RIMS2: variants seen among roughly 807,000 people sequenced by gnomAD.
RIMS2 encodes the protein regulating synaptic membrane exocytosis 2, also known as regulating synaptic membrane exocytosis protein 2.
In RIMS2, 59 loss-of-function variants were observed where a neutral mutation model predicts 174.4. The observed-to-expected ratio is 0.34, with a 90% CI of 0.27 to 0.42. The LOEUF is 0.42. Ranked by LOEUF, RIMS2 falls within the 10% of genes least tolerant of loss-of-function variation. The probability of loss-of-function intolerance (pLI) is 1.00; values close to 1 mark genes in which losing one functional copy is unlikely to be tolerated. For missense variants in RIMS2, 1,620 were observed against 1,666.3 expected (o/e 0.97, Z 0.48); for synonymous variants, 606 against 572.5 (o/e 1.06, Z -0.84).
intron 1 of RIMS2, among the ~76,000 whole-genome samples, chr8:103,590,397 G>T (rs1895899): frequency 0.065 from 9,865 of 151,292 alleles, 396 homozygotes; most frequent in South Asian, 0.088. Flanking sequence ...GGTGTCTGCA[G>T]ATCTTTGAGA....
chr8:104,229,368 T>C (rs1459336821), intron 19 of RIMS2, among the ~76,000 whole-genome samples: 1 of 152,194 alleles, frequency 6.6e-6, no homozygotes, highest in Admixed American at 6.5e-5. Context: ...ATGCTGTGTA[T>C]ATATAATATT....
intron 19 of RIMS2, among the ~76,000 whole-genome samples, chr8:104,031,057 A>G (rs2154556261): frequency 6.6e-6 from 1 of 152,294 alleles, no homozygotes; most frequent in South Asian, 2.1e-4. Flanking sequence ...ATAATCTTAG[A>G]TGAGCCAAGT....
At chr8:103,841,327 CAGA>C (rs2098938494) in intron 3 of RIMS2, among the ~76,000 whole-genome samples, 1 of 152,100 alleles carries the variant, frequency 6.6e-6, no homozygotes, top group Admixed American at 6.6e-5. Flanking sequence ...CTTACTAGCT[CAGA>C]AGAATGTTTC....
At chr8:104,176,728 T>C (rs2098900142) in intron 19 of RIMS2, among the ~76,000 whole-genome samples, 1 of 151,642 alleles carries the variant, frequency 6.6e-6, no homozygotes, top group Non-Finnish European at 1.5e-5. Flanking sequence ...TATCATTATA[T>C]ATGATAGTGA....
intron 19 of RIMS2, among the ~76,000 whole-genome samples, chr8:104,076,067 A>G (rs1034824660): frequency 2.0e-5 from 3 of 152,192 alleles, no homozygotes; most frequent in Non-Finnish European, 4.4e-5. Context: ...ATTTATGAAG[A>G]TACATAAACT....
At chr8:104,043,889 G>A (rs1039792852) in intron 19 of RIMS2, among the ~76,000 whole-genome samples, 1 of 151,464 alleles carries the variant, frequency 6.6e-6, no homozygotes, top group African/African-American at 2.4e-5. Flanking sequence ...GAAGGAAATT[G>A]CCTAGAATAT....
At chr8:103,868,363 T>C (rs1468933753) in intron 3 of RIMS2, among the ~76,000 whole-genome samples, 1 of 152,100 alleles carries the variant, frequency 6.6e-6, no homozygotes, top group African/African-American at 2.4e-5. Flanking sequence ...TTGTTCCTGC[T>C]TCTGTTTTAT....
intron 19 of RIMS2, among the ~76,000 whole-genome samples, chr8:104,211,856 A>G (rs781773370): frequency 1.3e-5 from 2 of 152,174 alleles, no homozygotes; most frequent in Non-Finnish European, 2.9e-5. Context: ...TATGAGGAAT[A>G]TCTTGGGGGC....
rs368240569 is a variant in RIMS2, at chr8:104,008,807, T to C, written c.3045-4635T>C. ...TGACTCTAAATATTGTTGTCATCTT[T>C]GAATAAGCTTATTTACTTTTAACTA... On this transcript the variant is annotated intron_variant, in intron 17 of 23. Transcript: ENST00000504942. Among the ~76,000 whole-genome samples the C allele has an allele frequency of 3.3e-5, 5 of 152,068 alleles. No homozygotes were observed. The East Asian group carries it at 5.8e-4, about 18-fold the overall frequency.
intron 1 of RIMS2, among the ~76,000 whole-genome samples, chr8:103,692,074 G>C (rs145875682): frequency 1.3e-5 from 2 of 152,220 alleles, no homozygotes; most frequent in East Asian, 3.9e-4. Flanking sequence ...CTTTCTGTCT[G>C]TGTGGGACTG....
chr8:103,941,553 T>G (rs1312401938), intron 13 of RIMS2, among the ~76,000 whole-genome samples: 1 of 152,094 alleles, frequency 6.6e-6, no homozygotes, highest in African/African-American at 2.4e-5. Flanking sequence ...CTTAGATAAA[T>G]AGTAATTTAT....
chr8:104,133,468 G>T (rs900715078), intron 19 of RIMS2, among the ~76,000 whole-genome samples: 1 of 152,122 alleles, frequency 6.6e-6, no homozygotes, highest in Non-Finnish European at 1.5e-5. Flanking sequence ...TTATAGACTG[G>T]TATTTGGAAG....
chr8:103,938,777 C>A (rs2081896516), intron 13 of RIMS2, among the ~76,000 whole-genome samples: 1 of 152,150 alleles, frequency 6.6e-6, no homozygotes, highest in African/African-American at 2.4e-5. Flanking sequence ...GGGGTACACG[C>A]ATTGGGTAAA....
chr8:103,733,041 C>T (rs890544792), intron 2 of RIMS2, among the ~76,000 whole-genome samples: 1 of 152,138 alleles, frequency 6.6e-6, no homozygotes, highest in South Asian at 2.1e-4. Flanking sequence ...CTGAGTAACA[C>T]CTGAGGGCAG....
chr8:103,568,231 G>A (rs545252492), intron 1 of RIMS2, among the ~76,000 whole-genome samples: 6 of 152,244 alleles, frequency 3.9e-5, no homozygotes, highest in South Asian at 2.1e-4. Context: ...CTGTGAGGTC[G>A]AGGTGGCACT....
chr8:103,985,214 A>G (rs754016029), intron 16 of RIMS2, among the ~76,000 whole-genome samples: 3 of 152,060 alleles, frequency 2.0e-5, no homozygotes, highest in Non-Finnish European at 4.4e-5. Flanking sequence ...GGTGGCTTAC[A>G]CCTGTAATCC....
At chr8:103,575,867 T>C (rs2093193142) in intron 1 of RIMS2, among the ~76,000 whole-genome samples, 1 of 152,028 alleles carries the variant, frequency 6.6e-6, no homozygotes, top group African/African-American at 2.4e-5. Flanking sequence ...ATGCCTAAAG[T>C]TTCCCCAAAA....
At chr8:103,970,781 C>A (rs139267636) in intron 15 of RIMS2, among the ~76,000 whole-genome samples, 1 of 152,090 alleles carries the variant, frequency 6.6e-6, no homozygotes, top group African/African-American at 2.4e-5. Context: ...GATAATTTGT[C>A]GCTTTTTCAG....
At chr8:104,199,699 G>T (rs1362052237) in intron 19 of RIMS2, among the ~76,000 whole-genome samples, 1 of 152,178 alleles carries the variant, frequency 6.6e-6, no homozygotes, top group Non-Finnish European at 1.5e-5. Flanking sequence ...AGGACAGACA[G>T]TATATCAATA....
Sources: allele counts gnomAD v4.1 joint callset (sites outside exome capture counted in the v4.1 genomes callset), GRCh38; gene constraint gnomAD v4.1.1; transcripts MANE v1.5; gene names NCBI Gene and HGNC (gene_info 2026-07-23, HGNC 2026-07-21).